Variants in SETD2 observed in about 807,000 individuals in gnomAD.
SETD2 encodes the protein SET domain containing 2, histone lysine methyltransferase, also known as histone-lysine N-methyltransferase SETD2.
In SETD2, 31 loss-of-function variants were observed where a neutral mutation model predicts 242.1. That is an observed-to-expected ratio of 0.13 (90% confidence interval 0.10 to 0.17). The LOEUF (loss-of-function observed/expected upper bound fraction) is 0.17, where lower values mean the gene tolerates loss of function less well. SETD2 is among the 10% of genes least tolerant of loss of function. The pLI is 1.00. For missense variants in SETD2, 2,481 were observed against 3,046.3 expected (o/e 0.81, Z 4.37); for synonymous variants, 1,006 against 1,066.5 (o/e 0.94, Z 1.11).
intron 1 of SETD2, among the ~76,000 whole-genome samples, chr3:47,135,565 T>C (rs1279031521): frequency 6.6e-6 from 1 of 152,228 alleles, no homozygotes; most frequent in African/African-American, 2.4e-5. Flanking sequence ...CATGAGCCAG[T>C]ACAGGCACGC....
chr3:47,041,446 GT>G, intron 17 of SETD2: 1 of 389,638 alleles, frequency 2.6e-6, no homozygotes, highest in Non-Finnish European at 5.1e-6. Flanking sequence ...CCAGGAGTTC[GT>G]GCAGATCAGT....
chr3:47,074,874 G>A (rs1446140857), intron 12 of SETD2, among the ~76,000 whole-genome samples: 7 of 151,942 alleles, frequency 4.6e-5, no homozygotes, highest in Admixed American at 1.3e-4. Flanking sequence ...GGTGGCTCAC[G>A]CCTGTAATCC....
intron 12 of SETD2, among the ~76,000 whole-genome samples, chr3:47,077,142 T>C (rs2041116410): frequency 1.3e-5 from 2 of 152,184 alleles, no homozygotes; most frequent in Non-Finnish European, 2.9e-5. Flanking sequence ...TGGAGTGCAA[T>C]GGTGCAATCT....
intron 1 of SETD2, among the ~76,000 whole-genome samples, chr3:47,142,114 T>G (rs922730810): frequency 1.7e-4 from 26 of 152,174 alleles, no homozygotes; most frequent in Non-Finnish European, 3.8e-4. Context: ...TGTGTGCTAG[T>G]AAAAGGTTGT....
At chr3:47,074,930 T>C (rs958017139) in intron 12 of SETD2, among the ~76,000 whole-genome samples, 2 of 151,926 alleles carry the variant, frequency 1.3e-5, no homozygotes, top group Non-Finnish European at 2.9e-5. Flanking sequence ...GGTCAGGAGA[T>C]TGAGACCATC....
intron 11 of SETD2, among the ~76,000 whole-genome samples, chr3:47,085,899 C>T (rs1034473187): frequency 6.6e-6 from 1 of 152,108 alleles, no homozygotes; most frequent in African/African-American, 2.4e-5. Context: ...GTTTTAACAA[C>T]AAACTGGATC....
At position 47,078,886 on chromosome 3, in the gene SETD2, A is replaced by G. The variant is rs182772485; in HGVS notation, c.6060+4834T>C. On this transcript the variant is annotated intron_variant, in intron 12 of 20. Transcript: ENST00000409792. The stretch of plus-strand genomic sequence containing the variant: ...GCTGGGACTACAGGCATGTGCCACC[A>G]TGCCTCGCTAATTTTTTAGTTTTTG... Among the ~76,000 whole-genome samples, 662 of 152,094 alleles carry G rather than the reference A, an allele frequency of 4.4e-3. 8 individuals carry two copies. The highest frequency in any genetic ancestry group is 0.015 in the African/African-American group (630 of 41,502).
chr3:47,126,598 T>C, intron 2 of SETD2, 50 bp downstream of exon 2: 1 of 972,030 alleles, frequency 1.0e-6, no homozygotes, highest in East Asian at 2.6e-5. Flanking sequence ...CTAAAATGTG[T>C]TTAGTGGTCC....
intron 6 of SETD2, among the ~76,000 whole-genome samples, chr3:47,103,744 GCA>G (rs35888397): frequency 2.6e-5 from 4 of 151,018 alleles, no homozygotes; most frequent in African/African-American, 9.7e-5. Context: ...GCACACGCAC[GCA>G]CACACACACA....
At chr3:47,133,634 G>A (rs983826543) in intron 1 of SETD2, among the ~76,000 whole-genome samples, 1 of 152,230 alleles carries the variant, frequency 6.6e-6, no homozygotes, top group East Asian at 1.9e-4. Context: ...TCAGGAGGCT[G>A]AGGCATGAGA....
chr3:47,104,653 T>G (rs1051539376), intron 6 of SETD2, among the ~76,000 whole-genome samples: 10 of 152,238 alleles, frequency 6.6e-5, no homozygotes, highest in African/African-American at 9.6e-5. Flanking sequence ...TCTTTGAAAC[T>G]GCAACTTACA....
rs779931413 is a variant in SETD2, at chr3:47,056,950, C to G, written c.6834G>C (p.Gln2278His). The stretch of plus-strand genomic sequence containing the variant: ...AGTACTGCTGCTGTACACTGACAGA[C>G]TGTTGGTTTGAATCCCAAACACTAT... Reference protein sequence around the residue: ...QNYSVWDSNQQSVSVQQQYSP... With the variant: ...QNYSVWDSNQHSVSVQQQYSP... The change falls in exon 15 of 21, where the codon CAG (glutamine) becomes CAC (histidine). Residue 2278 changes from glutamine to histidine, a missense_variant. By Grantham distance (24) the Gln-to-His change is conservative. This residue lies in a region of SETD2 where 235 missense variants were observed against 293.9 expected (regional missense o/e 0.80). Coordinates refer to ENST00000409792, the MANE Select transcript of SETD2 (RefSeq NM_014159.7). The G allele has an allele frequency of 3.1e-6, 5 of 1,614,266 alleles. No individual in the cohort carries two copies. The highest frequency in any genetic ancestry group is 4.2e-6 in the Non-Finnish European group (5 of 1,180,052).
intron 2 of SETD2, 27 bp from the exon 3 acceptor site, chr3:47,124,575 C>G (rs1328043252): frequency 6.6e-7 from 1 of 1,508,222 alleles, no homozygotes; most frequent in Non-Finnish European, 8.9e-7. Flanking sequence ...TAAGCAATTA[C>G]TACTACAATA....
intron 12 of SETD2, among the ~76,000 whole-genome samples, chr3:47,080,360 CA>C (rs2041269248): frequency 6.6e-6 from 1 of 152,200 alleles, no homozygotes; most frequent in East Asian, 1.9e-4. Context: ...GAGAAATGCA[CA>C]TCCTATAATC....
In SETD2 at chr3:47,017,696, G is replaced by A. The variant is rs1275303091; in HGVS notation, c.7475C>T (p.Pro2492Leu). The A allele has an allele frequency of 1.2e-6, 2 of 1,613,934 alleles. No individual in the cohort carries two copies. Among genetic ancestry groups the A allele is most frequent in the Non-Finnish European group, 1.7e-6 (2 of 1,179,934 alleles). Residue 2492 changes from proline to leucine, a missense_variant, in exon 20 of 21, where the codon CCT becomes CTT. By Grantham distance (98) the Pro-to-Leu change is moderately conservative. Transcript: ENST00000409792. This position sits in a 1 kb window ranked among gnomAD's most constrained non-coding sequence, Gnocchi z 4.8. ...GGTAATTCTTCCCACTTTGCAGTCA[G>A]GTTTCCGGTAAGGGTTCAGGCACTG... ...IVQCLNPYRK[P>L]DCKVGRITTT...
Position 47,117,778 on chromosome 3 carries a change from T to A in SETD2, c.4455-1024A>T, listed in dbSNP as rs77608526. 9.8e-5 allele frequency among the ~76,000 whole-genome samples: 15 copies of A among 152,314 alleles called. No individual in the cohort carries two copies. The East Asian group carries it at 2.7e-3, about 27-fold the overall frequency. The stretch of plus-strand genomic sequence containing the variant: ...GGAGAAGAACATAAACTGCTAAAAT[T>A]TGATTGCGTTCATAATAAGCCATGC... On this transcript the variant is annotated intron_variant, in intron 3 of 20. Transcript: ENST00000409792.
At chr3:47,053,784 T>G (rs971986954) in intron 15 of SETD2, among the ~76,000 whole-genome samples, 2 of 152,174 alleles carry the variant, frequency 1.3e-5, no homozygotes, top group Non-Finnish European at 2.9e-5. Flanking sequence ...AACAGATGGA[T>G]GAACATGACC....
chr3:47,019,613 G>A (rs2038129778), intron 19 of SETD2, 147 bp downstream of exon 19: 2 of 644,308 alleles, frequency 3.1e-6, no homozygotes, highest in Non-Finnish European at 5.5e-6. Context: ...GCTAAAAGAA[G>A]CACTTCAGCA....
chr3:47,104,239 A>T (rs1208276411), intron 6 of SETD2, among the ~76,000 whole-genome samples: 2 of 151,992 alleles, frequency 1.3e-5, no homozygotes, highest in East Asian at 1.9e-4. Context: ...AAAAAAAAAA[A>T]TTTAAATAAT....
Sources: allele counts gnomAD v4.1 joint callset (sites outside exome capture counted in the v4.1 genomes callset), GRCh38; gene constraint gnomAD v4.1.1; regional missense constraint gnomAD v4.1.1; non-coding constraint Gnocchi (gnomAD v3.1); transcripts MANE v1.5; gene names NCBI Gene and HGNC (gene_info 2026-07-23, HGNC 2026-07-21).